GATAD2A: variants seen among roughly 807,000 people sequenced by gnomAD.
GATAD2A encodes the protein transcriptional repressor p66-alpha.
A neutral mutation model predicts 68.5 loss-of-function variants in GATAD2A; 12 were observed. The observed-to-expected ratio is 0.18, with a 90% CI of 0.11 to 0.28. The LOEUF (loss-of-function observed/expected upper bound fraction) is 0.28. Ranked by LOEUF, GATAD2A falls within the 10% of genes least tolerant of loss-of-function variation. GATAD2A has a pLI of 1.00. For synonymous variants in GATAD2A, 410 were observed against 375.3 expected (o/e 1.09, Z -1.07); for missense variants, 755 against 868.5 (o/e 0.87, Z 1.64).
chr19:19,498,363 A>G, intron 7 of GATAD2A, 80 bp from the exon 8 acceptor site: 1 of 1,347,712 alleles, frequency 7.4e-7, no homozygotes, highest in Non-Finnish European at 1.0e-6. Flanking sequence ...AGTTGACAGG[A>G]CCTCGGGCTT....
At chr19:19,463,703 G>A (rs2057649851) in intron 1 of GATAD2A, among the ~76,000 whole-genome samples, 1 of 152,162 alleles carries the variant, frequency 6.6e-6, no homozygotes, top group Admixed American at 6.5e-5. Flanking sequence ...GCACCTGGGT[G>A]GTGGTGAGAC....
intron 1 of GATAD2A, among the ~76,000 whole-genome samples, chr19:19,420,005 C>CTTTTTTTTTTTTTTT (rs397859927): frequency 1.5e-5 from 1 of 68,712 alleles, no homozygotes; most frequent in African/African-American, 7.3e-5. Context: ...ACCATCTTGA[C>CTTTTTTTTTTTTTTT]TTTTTTTTTT....
chr19:19,395,977 A>G (rs957911153), intron 1 of GATAD2A, among the ~76,000 whole-genome samples: 1 of 152,162 alleles, frequency 6.6e-6, no homozygotes, highest in African/African-American at 2.4e-5. Flanking sequence ...GTAAGCATAC[A>G]GCAAGCGGCC....
intron 1 of GATAD2A, among the ~76,000 whole-genome samples, chr19:19,459,980 C>T (rs1371218834): frequency 6.6e-6 from 1 of 152,240 alleles, no homozygotes; most frequent in African/African-American, 2.4e-5. Context: ...CACTGTTACT[C>T]AGAGATGTGC....
At chr19:19,461,763 G>A (rs1421159530) in intron 1 of GATAD2A, among the ~76,000 whole-genome samples, 3 of 152,264 alleles carry the variant, frequency 2.0e-5, no homozygotes, top group African/African-American at 7.2e-5. Context: ...CATCTGTGCT[G>A]GCTTGCAGTC....
At chr19:19,427,261 C>A (rs2053205663) in intron 1 of GATAD2A, among the ~76,000 whole-genome samples, 1 of 152,116 alleles carries the variant, frequency 6.6e-6, no homozygotes, top group African/African-American at 2.4e-5. Flanking sequence ...GAACTGTGAA[C>A]TCAAAATGGT....
In GATAD2A at chr19:19,405,960, C is replaced by A; in HGVS notation, c.-66C>A. On this transcript the variant is annotated 5_prime_UTR_variant, in exon 1 of 12. Transcript: ENST00000683918. ...CCGCCGCCCGGCCCCGCGGGCGACC[C>A]CGGACCAGCAGCCCCCGTAACCTGC... 6.7e-6 allele frequency: 1 copy of A among 149,484 alleles called. No homozygotes were observed. Among genetic ancestry groups the A allele is most frequent in the Non-Finnish European group, 1.5e-5 (1 of 67,176 alleles). The allele number at this position is 149,484 out of a possible 1,614,324, so 9.3% of individuals were successfully genotyped here. A position where few individuals can be genotyped will look rare whatever the true frequency, so the allele number is the denominator to read the frequency against.
upstream of GATAD2A, among the ~76,000 whole-genome samples, chr19:19,401,715 A>C (rs549441872): frequency 1.4e-5 from 2 of 147,686 alleles, no homozygotes; most frequent in African/African-American, 5.0e-5. Flanking sequence ...ACTTCAAATA[A>C]ATTTTCTGAT....
chr19:19,463,894 TCTTTC>T (rs1215560587), intron 1 of GATAD2A, among the ~76,000 whole-genome samples: 1 of 152,218 alleles, frequency 6.6e-6, no homozygotes, highest in Non-Finnish European at 1.5e-5. Context: ...GCTGTCTCTT[TCTTTC>T]CTTTCAGTTT....
chr19:19,451,991 A>ACT (rs928335400), intron 1 of GATAD2A, among the ~76,000 whole-genome samples: 5 of 152,212 alleles, frequency 3.3e-5, no homozygotes, highest in Admixed American at 2.0e-4. Flanking sequence ...GGCGTGAGCC[A>ACT]CTGCTCCTGG....
intron 1 of GATAD2A, among the ~76,000 whole-genome samples, chr19:19,447,094 A>G (rs928256254): frequency 8.5e-5 from 13 of 152,188 alleles, no homozygotes; most frequent in Admixed American, 7.2e-4. Context: ...TGGGGGTGGA[A>G]GCCCACAAAC....
At chr19:19,475,917 G>A (rs886116147) in intron 2 of GATAD2A, among the ~76,000 whole-genome samples, 2 of 152,176 alleles carry the variant, frequency 1.3e-5, no homozygotes, top group African/African-American at 4.8e-5. Context: ...AGACTGCCCT[G>A]TTTCTAACTC....
At position 19,507,824 on chromosome 19, in the gene GATAD2A, A is replaced by G. The variant is rs1264209739; in HGVS notation, c.*2350A>G. The G allele has an allele frequency of 6.6e-6, 1 of 151,984 alleles. No individual in the cohort carries two copies. Among genetic ancestry groups the G allele is most frequent in the Non-Finnish European group, 1.5e-5 (1 of 67,976 alleles). The allele number at this position is 151,984 out of a possible 1,614,324, so 9.4% of individuals were successfully genotyped here. On this transcript the variant is annotated 3_prime_UTR_variant, in exon 12 of 12. Coordinates refer to ENST00000683918, the MANE Select transcript of GATAD2A (RefSeq NM_001384528.1). ...CTTTCCTTCATTTCTGCTGTCTCGAACACTCTAGCCCATTATTTCCTTTCA... is the reference window on the plus strand; with the variant it reads ...CTTTCCTTCATTTCTGCTGTCTCGAGCACTCTAGCCCATTATTTCCTTTCA...
intron 1 of GATAD2A, among the ~76,000 whole-genome samples, chr19:19,424,491 A>G (rs2052823392): frequency 6.6e-6 from 1 of 151,982 alleles, no homozygotes; most frequent in Non-Finnish European, 1.5e-5. Context: ...CAGCCTCCCA[A>G]AGCGCTGGGA....
intron 8 of GATAD2A, among the ~76,000 whole-genome samples, chr19:19,500,872 C>T (rs2060480701): frequency 6.6e-6 from 1 of 152,246 alleles, no homozygotes; most frequent in Non-Finnish European, 1.5e-5. Flanking sequence ...TGAGGCAGGG[C>T]TTGGCATGGT....
At chr19:19,502,278 C>T in intron 10 of GATAD2A, 53 bp from the exon 11 acceptor site, 1 of 1,374,392 alleles carries the variant, frequency 7.3e-7, no homozygotes, top group Non-Finnish European at 1.0e-6. Context: ...GAGTGTCTCG[C>T]CTGCTGCTGT....
intron 1 of GATAD2A, among the ~76,000 whole-genome samples, chr19:19,399,594 A>G (rs1422270951): frequency 6.6e-6 from 1 of 152,218 alleles, no homozygotes; most frequent in Non-Finnish European, 1.5e-5. Context: ...TGAAATAAAT[A>G]TCTTAGTCTT....
chr19:19,430,976 G>GGGTGTGTGTGT lies in GATAD2A; in HGVS notation c.-7+24958_-7+24959insGTGTGTGTGTG, dbSNP rs140794575. 1.6e-4 allele frequency among the ~76,000 whole-genome samples: 22 copies of GGGTGTGTGTGT among 136,692 alleles called. 1 individual carries two copies. The highest frequency in any genetic ancestry group is 6.2e-4 in the African/African-American group (22 of 35,576). 89.7% of individuals were successfully genotyped at this position (136,692 alleles called of 152,430 possible). Reference sequence around the variant, plus strand: ...GTGTTTGGGTGGGTTGTATGGTAGGGGTGTGTGTGTGTGTGTGTGTGTGTG... The same window carrying GGGTGTGTGTGT: ...GTGTTTGGGTGGGTTGTATGGTAGGGGGTGTGTGTGTGTGTGTGTGTGTGTGTGTGTGTGTG... On this transcript the variant is annotated intron_variant, in intron 1 of 11. Transcript: ENST00000683918.
At position 19,437,427 on chromosome 19, in the gene GATAD2A, A is replaced by T. The variant is rs186148114; in HGVS notation, c.-6-27913A>T. Among the ~76,000 whole-genome samples the T allele has an allele frequency of 5.3e-3, 813 of 152,328 alleles. 6 individuals are homozygous for T. Among genetic ancestry groups the T allele is most frequent in the South Asian group, 0.041 (198 of 4,828 alleles). ...ATACAGGCAAATTACACTCAAAAAA[A>T]TTTTTTGAGATATAATTTGCATACC... is the stretch of plus-strand genomic sequence containing the variant. On this transcript the variant is annotated intron_variant, in intron 1 of 11. Coordinates refer to ENST00000683918, the MANE Select transcript of GATAD2A (RefSeq NM_001384528.1).
Sources: gnomAD v4.1 joint callset for allele counts (sites outside exome capture counted in the v4.1 genomes callset) on GRCh38, gnomAD v4.1.1 for gene constraint, MANE v1.5 for transcripts, NCBI Gene and HGNC (gene_info 2026-07-23, HGNC 2026-07-21) for gene names.